Variants in DPH6 observed in about 807,000 individuals in gnomAD.
DPH6 encodes diphthine--ammonia ligase.
DPH6 carries 33 observed loss-of-function variants against 38.2 expected under a neutral mutation model. That is an observed-to-expected ratio of 0.86 (90% CI 0.65 to 1.15). The LOEUF (loss-of-function observed/expected upper bound fraction) is 1.15. Among genes scored for constraint, DPH6 ranks in the 50% most tolerant of loss-of-function variants. The pLI is 0.00. For missense variants in DPH6, 325 were observed against 320.0 expected (o/e 1.02, Z -0.12); for synonymous variants, 108 against 103.0 (o/e 1.05, Z -0.30).
rs116342708 is a variant in DPH6 at position 35,512,132 on chromosome 15, C to T, written c.312+26142G>A. Among the ~76,000 whole-genome samples, 375 of 152,156 alleles carry T rather than the reference C, an allele frequency of 2.5e-3. 1 individual carries two copies. Among genetic ancestry groups the T allele is most frequent in the African/African-American group, 8.5e-3 (353 of 41,534 alleles). On this transcript the variant is annotated intron_variant, in intron 3 of 8. Coordinates refer to ENST00000256538, the MANE Select transcript of DPH6 (RefSeq NM_080650.4). ...GGTTTAAACCTGCAGTAATAATTTT[C>T]ATAAAGTGAAATATACCTAAAATCT...
rs2055202704 is a variant in DPH6 at position 35,538,336 on chromosome 15, C to G, written c.250G>C (p.Val84Leu). Reference protein sequence around the residue: ...IRGRSLDTRQVYTKCEGDEVE... With the variant: ...IRGRSLDTRQLYTKCEGDEVE... ...TCATCACCTTCACATTTGGTGTACACTTGTCTTGTATCCAAGCTCCTTCCT... is the reference window on the plus strand; with the variant it reads ...TCATCACCTTCACATTTGGTGTACAGTTGTCTTGTATCCAAGCTCCTTCCT... Residue 84 changes from valine (V) to leucine (L), a missense_variant, in exon 3 of 9, where the codon GTG becomes CTG. Physicochemically the swap from Val to Leu is conservative, Grantham distance 32. Transcript: ENST00000256538. The G allele has an allele frequency of 6.2e-7, 1 of 1,610,724 alleles. No individual in the cohort carries two copies. Among genetic ancestry groups the G allele is most frequent in the African/African-American group, 1.3e-5 (1 of 74,868 alleles).
intron 3 of DPH6, among the ~76,000 whole-genome samples, chr15:35,251,200 A>G (rs1256177125): frequency 6.6e-6 from 1 of 152,066 alleles, no homozygotes; most frequent in Non-Finnish European, 1.5e-5. Context: ...TAAAATTTTT[A>G]AGTAATTTCA....
chr15:35,335,064 C>T (rs2052358439), intron 3 of DPH6, among the ~76,000 whole-genome samples: 1 of 151,882 alleles, frequency 6.6e-6, no homozygotes, highest in African/African-American at 2.4e-5. Context: ...GCCAGTATCT[C>T]TTGTTTTTTG....
chr15:35,518,950 C>G (rs1392260566), intron 3 of DPH6: 1 of 151,880 alleles, frequency 6.6e-6, no homozygotes, highest in African/African-American at 2.4e-5. Flanking sequence ...GGGGTTAAGA[C>G]GTGTTCAATA....
At chr15:35,364,826 G>A (rs939517471) in intron 3 of DPH6, among the ~76,000 whole-genome samples, 4 of 151,744 alleles carry the variant, frequency 2.6e-5, no homozygotes, top group African/African-American at 4.8e-5. Flanking sequence ...AATTTTGGGA[G>A]GCTCTTAGCT....
the DPH6 span, among the ~76,000 whole-genome samples, chr15:35,152,180 G>C: frequency 6.6e-6 from 1 of 152,100 alleles, no homozygotes; most frequent in Non-Finnish European, 1.5e-5. Flanking sequence ...ATTAGCCTAT[G>C]GTAAAATTAG....
At chr15:35,413,605 C>T (rs2053397918) in intron 5 of DPH6, among the ~76,000 whole-genome samples, 1 of 151,528 alleles carries the variant, frequency 6.6e-6, no homozygotes, top group Admixed American at 6.6e-5. Flanking sequence ...CACCAGCTTT[C>T]TTTTGCTAAT....
At chr15:35,494,157 T>C (rs1475324276) in intron 3 of DPH6, among the ~76,000 whole-genome samples, 1 of 152,132 alleles carries the variant, frequency 6.6e-6, no homozygotes, top group Non-Finnish European at 1.5e-5. Flanking sequence ...TCACTTGCAA[T>C]AGCACCTACA....
chr15:35,351,451 T>A (rs1231508450), intron 3 of DPH6, among the ~76,000 whole-genome samples: 1 of 152,200 alleles, frequency 6.6e-6, no homozygotes, highest in Non-Finnish European at 1.5e-5. Context: ...ATTTGGTTAA[T>A]TTTTTCTTTC....
chr15:35,383,695 A>G (rs1409742823), intron 6 of DPH6, among the ~76,000 whole-genome samples: 2 of 152,242 alleles, frequency 1.3e-5, no homozygotes, highest in Non-Finnish European at 2.9e-5. Context: ...CTGAGGAACC[A>G]GGAAATAGTA....
At chr15:35,272,502 G>C (rs2051828926) in intron 3 of DPH6, among the ~76,000 whole-genome samples, 1 of 152,068 alleles carries the variant, frequency 6.6e-6, no homozygotes, top group Admixed American at 6.6e-5. Flanking sequence ...GTTCCAGGTA[G>C]GGCCAAACAC....
chr15:35,493,611 T>A (rs1016651675), intron 3 of DPH6, among the ~76,000 whole-genome samples: 8 of 152,148 alleles, frequency 5.3e-5, no homozygotes, highest in African/African-American at 1.9e-4. Context: ...ATTCTGTAAT[T>A]TTAGAGATTA....
At chr15:35,147,664 A>G in the DPH6 span, among the ~76,000 whole-genome samples, 1 of 152,208 alleles carries the variant, frequency 6.6e-6, no homozygotes, top group South Asian at 2.1e-4. Flanking sequence ...AATACAGGTA[A>G]CTTAAAAATG....
chr15:35,240,853 G>A (rs1458162005), intron 3 of DPH6, among the ~76,000 whole-genome samples: 3 of 142,636 alleles, frequency 2.1e-5, no homozygotes, highest in South Asian at 2.5e-4. Flanking sequence ...ATTAAATTCC[G>A]GCCCTCAAAC....
chr15:35,534,705 G>C (rs528568610), intron 3 of DPH6, among the ~76,000 whole-genome samples: 5 of 152,232 alleles, frequency 3.3e-5, no homozygotes, highest in South Asian at 2.1e-4. Context: ...TGTGACTAGT[G>C]AGAGTGTCAG....
intron 3 of DPH6, among the ~76,000 whole-genome samples, chr15:35,231,231 C>A (rs971484013): frequency 1.3e-5 from 2 of 152,214 alleles, no homozygotes; most frequent in African/African-American, 2.4e-5. Context: ...CGTTTAAATG[C>A]TCCCTCCTTG....
At chr15:35,292,361 A>G (rs1430014079) in intron 3 of DPH6, among the ~76,000 whole-genome samples, 1 of 152,164 alleles carries the variant, frequency 6.6e-6, no homozygotes, top group African/African-American at 2.4e-5. Flanking sequence ...CAGTAGATCA[A>G]TGATCTACTC....
At chr15:35,352,218 T>C (rs1290966747) in intron 3 of DPH6, among the ~76,000 whole-genome samples, 1 of 152,292 alleles carries the variant, frequency 6.6e-6, no homozygotes, top group East Asian at 1.9e-4. Flanking sequence ...TATTATTGCT[T>C]AGCTTTTTTT....
At chr15:35,494,337 T>A (rs1355605882) in intron 3 of DPH6, among the ~76,000 whole-genome samples, 2 of 152,124 alleles carry the variant, frequency 1.3e-5, no homozygotes, top group Non-Finnish European at 2.9e-5. Flanking sequence ...TAACTTTTTG[T>A]ACATACTCAC....
Sources: allele counts gnomAD v4.1 joint callset (sites outside exome capture counted in the v4.1 genomes callset), GRCh38; gene constraint gnomAD v4.1.1; transcripts MANE v1.5; gene names NCBI Gene and HGNC (gene_info 2026-07-23, HGNC 2026-07-21).